The following TRHDE variants were observed in gnomAD, a reference collection of about 807,000 sequenced individuals.
The protein encoded by TRHDE is thyrotropin-releasing hormone-degrading ectoenzyme.
TRHDE carries 72 observed loss-of-function variants against 125.7 expected under a neutral mutation model. That is an observed-to-expected ratio of 0.57 (90% CI 0.47 to 0.70). The LOEUF (loss-of-function observed/expected upper bound fraction) is 0.70, where lower values mean the gene tolerates loss of function less well. Ranked by LOEUF, TRHDE falls within the 30% of genes least tolerant of loss-of-function variation. The pLI is 0.00. For synonymous variants in TRHDE, 509 were observed against 509.1 expected, an observed-to-expected ratio of 1.00 and a Z score of 0.00; for missense variants, 1,110 against 1,327.1, an observed-to-expected ratio of 0.84 and a Z score of 2.54.
intron 15 of TRHDE, among the ~76,000 whole-genome samples, chr12:72,634,884 C>G (rs1435933972): frequency 6.6e-6 from 1 of 152,012 alleles, no homozygotes; most frequent in African/African-American, 2.4e-5. Context: ...GCCACATTTT[C>G]TTAATCCAGT....
Position 72,359,761 on chromosome 12 carries a change from A to C in TRHDE, c.1189-18234A>C, listed in dbSNP as rs1870984298. On this transcript the variant is annotated intron_variant, in intron 2 of 18. Coordinates refer to ENST00000261180, the MANE Select transcript of TRHDE (RefSeq NM_013381.3). ...CAGTGCTAGCAACATTTACAATAAG[A>C]CTTTGTGTATAAGTGTGGAAAATTA... is the stretch of plus-strand genomic sequence containing the variant. Among the ~76,000 whole-genome samples the C allele has an allele frequency of 4.6e-5, 7 of 151,806 alleles. 1 individual carries two copies. The South Asian group carries it at 1.5e-3, about 31-fold the overall frequency.
At chr12:72,649,545 A>G (rs1318796863) in intron 15 of TRHDE, among the ~76,000 whole-genome samples, 3 of 152,152 alleles carry the variant, frequency 2.0e-5, no homozygotes, top group African/African-American at 4.8e-5. Flanking sequence ...GTGGGACTGC[A>G]TCAAACTAAA....
At chr12:72,317,681 A>G (rs1254412904) in intron 2 of TRHDE, among the ~76,000 whole-genome samples, 1 of 152,178 alleles carries the variant, frequency 6.6e-6, no homozygotes, top group Non-Finnish European at 1.5e-5. Flanking sequence ...GGACATAAAC[A>G]TTTAAACATA....
At chr12:72,597,744 T>C (rs1451851249) in intron 12 of TRHDE, among the ~76,000 whole-genome samples, 1,703 of 11,722 alleles carry the variant, frequency 0.15, 132 homozygotes, top group East Asian at 0.38. Flanking sequence ...TATATATATA[T>C]ATATATATAT....
At chr12:72,266,378 TAAA>T (rs1879070262) in intron 2 of TRHDE, among the ~76,000 whole-genome samples, 1 of 151,964 alleles carries the variant, frequency 6.6e-6, no homozygotes, top group Non-Finnish European at 1.5e-5. Flanking sequence ...GGTAGATTCC[TAAA>T]GCATGTAAAC....
At chr12:72,327,365 G>C (rs1869387080) in intron 2 of TRHDE, among the ~76,000 whole-genome samples, 1 of 152,116 alleles carries the variant, frequency 6.6e-6, no homozygotes, top group Admixed American at 6.5e-5. Flanking sequence ...CCCATTGATT[G>C]GGAGAGTGTG....
At chr12:72,107,501 ATC>A (rs1357555119) in intron 2 of TRHDE, among the ~76,000 whole-genome samples, 1 of 152,104 alleles carries the variant, frequency 6.6e-6, no homozygotes, top group Non-Finnish European at 1.5e-5. Context: ...CATCTGCTGG[ATC>A]TCTCTGTTGA....
chr12:72,552,104 C>T (rs1346807284), intron 7 of TRHDE, among the ~76,000 whole-genome samples: 1 of 152,102 alleles, frequency 6.6e-6, no homozygotes, highest in East Asian at 1.9e-4. Context: ...AAGAAGATTC[C>T]ATATTATTCC....
rs1874903550 is a variant in TRHDE at position 72,095,848 on chromosome 12, G to GT, written n.174+8414dup. On this transcript the variant is annotated intron_variant and non_coding_transcript_variant, in intron 1 of 4. Coordinates refer to the TRHDE transcript ENST00000548156. ...TTATTCTGGATGTTTCTGTGAGGGT[G>GT]TTTTTGTATGAGATTAACATTTAAA... Among the ~76,000 whole-genome samples, 4 of 152,276 alleles carry GT rather than the reference G, an allele frequency of 2.6e-5. No homozygotes were observed. In the South Asian group the frequency reaches 8.3e-4, roughly 32 times the overall value.
At chr12:72,112,752 G>C (rs777651872) in intron 2 of TRHDE, among the ~76,000 whole-genome samples, 1 of 152,134 alleles carries the variant, frequency 6.6e-6, no homozygotes, top group Non-Finnish European at 1.5e-5. Flanking sequence ...CTCCTAGATG[G>C]ATTAAACTTC....
chr12:72,565,959 C>T (rs189416382), intron 9 of TRHDE, among the ~76,000 whole-genome samples: 73 of 151,982 alleles, frequency 4.8e-4, no homozygotes, highest in African/African-American at 1.3e-3. Flanking sequence ...GTTATTTTTT[C>T]TAATATCTTT....
chr12:72,100,959 G>C (rs1875052862), intron 1 of TRHDE, among the ~76,000 whole-genome samples: 3 of 152,126 alleles, frequency 2.0e-5, no homozygotes, highest in African/African-American at 4.8e-5. Flanking sequence ...GGGTCTTCTG[G>C]ATGCAAATAA....
chr12:72,268,016 A>G (rs1476903385), upstream of TRHDE, among the ~76,000 whole-genome samples: 1 of 152,184 alleles, frequency 6.6e-6, no homozygotes, highest in Non-Finnish European at 1.5e-5. Context: ...TCTGCAGTAT[A>G]AAAATATTAA....
At chr12:72,353,013 C>T (rs1213403996) in intron 2 of TRHDE, among the ~76,000 whole-genome samples, 1 of 151,058 alleles carries the variant, frequency 6.6e-6, no homozygotes, top group South Asian at 2.1e-4. Context: ...AAAAAATTAC[C>T]CAATACAACC....
At chr12:72,196,176 T>C (rs1651766994) in intron 2 of TRHDE, among the ~76,000 whole-genome samples, 2 of 152,186 alleles carry the variant, frequency 1.3e-5, no homozygotes, top group Admixed American at 1.3e-4. Context: ...CTCACTTTGT[T>C]CTTTTTGCTT....
chr12:72,125,115 T>C (rs1009248185), intron 2 of TRHDE, among the ~76,000 whole-genome samples: 1 of 152,206 alleles, frequency 6.6e-6, no homozygotes, highest in Admixed American at 6.5e-5. Flanking sequence ...AAAAATAAAA[T>C]TGACTTGTAA....
At chr12:72,652,992 T>G in intron 16 of TRHDE, 24 bp from the exon 17 acceptor site, 1 of 1,580,284 alleles carries the variant, frequency 6.3e-7, no homozygotes, top group Non-Finnish European at 8.6e-7. Flanking sequence ...GACTAAAAAT[T>G]TTTACAAAAT....
intron 2 of TRHDE, among the ~76,000 whole-genome samples, chr12:72,228,650 A>G (rs1592492011): frequency 6.6e-6 from 1 of 152,274 alleles, no homozygotes; most frequent in East Asian, 1.9e-4. Flanking sequence ...AAGTTTTCTA[A>G]ATTTTTATGC....
At chr12:72,386,477 A>G (rs1177136051) in intron 3 of TRHDE, among the ~76,000 whole-genome samples, 1 of 152,144 alleles carries the variant, frequency 6.6e-6, no homozygotes, top group Non-Finnish European at 1.5e-5. Context: ...ACATTGCTTC[A>G]GGAATTTTTC....
Sources: allele counts gnomAD v4.1 joint callset (sites outside exome capture counted in the v4.1 genomes callset), GRCh38; gene constraint gnomAD v4.1.1; transcripts MANE v1.5; gene names NCBI Gene and HGNC (gene_info 2026-07-23, HGNC 2026-07-21).